FREM1: variants seen among roughly 807,000 people sequenced by gnomAD.
FREM1 encodes the protein FRAS1 related extracellular matrix 1.
FREM1 carries 220 observed loss-of-function variants against 210.1 expected under a neutral mutation model. The observed-to-expected ratio is 1.05, with a 90% CI of 0.94 to 1.17. The LOEUF (loss-of-function observed/expected upper bound fraction) is 1.17, where lower values mean the gene tolerates loss of function less well. Ranked by LOEUF, FREM1 falls within the 50% of genes most tolerant of loss-of-function variation. The probability of loss-of-function intolerance (pLI) is 0.00; values close to 1 mark genes in which losing one functional copy is unlikely to be tolerated. For missense variants in FREM1, 3,454 were observed against 2,675.5 expected (o/e 1.29, Z -6.42); for synonymous variants, 1,189 against 980.2 (o/e 1.21, Z -3.98).
intron 10 of FREM1, among the ~76,000 whole-genome samples, chr9:14,830,718 CCTT>C (rs1218114459): frequency 5.9e-5 from 9 of 152,144 alleles, no homozygotes; most frequent in Non-Finnish European, 8.8e-5. Flanking sequence ...ATGCTCCACT[CCTT>C]AAAACCACTC....
chr9:14,837,354 C>T lies in FREM1; in HGVS notation c.1881+4093G>A, dbSNP rs552613060. ...CAGCTTTAGAGCCCCATTCCCACCT[C>T]TGTCTCTGTACAGGGGAGCCTCTTC... On this transcript the variant is annotated intron_variant, in intron 10 of 36. Transcript: ENST00000380880. Among the ~76,000 whole-genome samples, 68 of 152,266 alleles carry T rather than the reference C, an allele frequency of 4.5e-4. No individual in the cohort carries two copies. The South Asian group carries it at 5.0e-3, about 11-fold the overall frequency.
In FREM1 at chr9:14,765,333, T is replaced by C. The variant is rs537774642; in HGVS notation, c.5204+4391A>G. ...TGCACCCAAAACAAGTGCTTTAGAA[T>C]CAAGCACACCTTGTAACCACTGATT... On this transcript the variant is annotated intron_variant, in intron 27 of 36. Transcript: ENST00000380880. Among the ~76,000 whole-genome samples the C allele has an allele frequency of 2.0e-5, 3 of 152,316 alleles. No individual in the cohort carries two copies. In the East Asian group the frequency reaches 5.8e-4, roughly 29 times the overall value.
intron 22 of FREM1, among the ~76,000 whole-genome samples, chr9:14,790,114 G>C (rs1390252465): frequency 6.6e-6 from 1 of 152,010 alleles, no homozygotes. Flanking sequence ...CTAAACAATG[G>C]GGGCTCTGGT....
At chr9:14,859,605 G>C in intron 3 of FREM1, 121 bp from the exon 4 acceptor site, 2 of 793,178 alleles carry the variant, frequency 2.5e-6, no homozygotes, top group South Asian at 1.9e-5. Flanking sequence ...ATTGAGTTTG[G>C]ATTTCATTTC....
At chr9:14,825,559 A>G (rs1384651378) in intron 10 of FREM1, among the ~76,000 whole-genome samples, 2 of 139,248 alleles carry the variant, frequency 1.4e-5, no homozygotes, top group Non-Finnish European at 3.1e-5. Context: ...ATATATATAT[A>G]TATATATATA....
chr9:14,899,002 C>A (rs1838284390), intron 1 of FREM1, among the ~76,000 whole-genome samples: 1 of 152,214 alleles, frequency 6.6e-6, no homozygotes, highest in South Asian at 2.1e-4. Flanking sequence ...GTTGAGCCAT[C>A]TTTTGACATG....
chr9:14,819,545 C>G, intron 13 of FREM1, 103 bp from the exon 14 acceptor site: 1 of 637,790 alleles, frequency 1.6e-6, no homozygotes, highest in Non-Finnish European at 2.6e-6. Context: ...TCTTCACATG[C>G]AAACTAATTT....
chr9:14,876,398 C>T (rs1176285055), intron 1 of FREM1, among the ~76,000 whole-genome samples: 7 of 152,242 alleles, frequency 4.6e-5, no homozygotes, highest in South Asian at 4.1e-4. Flanking sequence ...GCCCCTCCCC[C>T]AGCCTCGCTG....
intron 16 of FREM1, among the ~76,000 whole-genome samples, chr9:14,808,498 A>C (rs1447050331): frequency 6.6e-6 from 1 of 152,138 alleles, no homozygotes; most frequent in East Asian, 1.9e-4. Flanking sequence ...CCTCAGGGAG[A>C]GGGAGAAGGC....
chr9:14,763,320 C>T (rs1845840986), intron 27 of FREM1, among the ~76,000 whole-genome samples: 1 of 152,142 alleles, frequency 6.6e-6, no homozygotes. Flanking sequence ...TGTTTCGGGA[C>T]CTTGACAAAT....
intron 1 of FREM1, among the ~76,000 whole-genome samples, chr9:14,901,060 T>C (rs1838701258): frequency 6.6e-6 from 1 of 152,256 alleles, no homozygotes. Flanking sequence ...TTGCTGCGAC[T>C]CTTTAAAGAC....
In FREM1 at chr9:14,801,713, T is replaced by C. The variant is rs1461082423; in HGVS notation, c.3633A>G (p.Pro1211=). The stretch of plus-strand genomic sequence containing the variant: ...GTGCATGTTTCTGGTGAGGGTTGGC[T>C]GGCTGCTTATTCTCAGAGAAGTCTT... ...FSKDFSENKQ[P]ANPHQKHAPV... is the part of the protein sequence containing the mutation. The change falls in exon 20 of 37, where the codon CCA becomes CCG. Residue 1211 remains proline (P), a synonymous_variant. Transcript: ENST00000380880. 7 of 1,614,016 alleles carry C rather than the reference T, an allele frequency of 4.3e-6. No homozygotes were observed. The highest frequency in any genetic ancestry group is 2.2e-5 in the East Asian group (1 of 44,884).
intron 8 of FREM1, among the ~76,000 whole-genome samples, chr9:14,845,242 A>AACT (rs1246882217): frequency 6.6e-6 from 1 of 152,238 alleles, no homozygotes; most frequent in Admixed American, 6.5e-5. Flanking sequence ...AAACCATGAC[A>AACT]ACTACTACTA....
intron 1 of FREM1, among the ~76,000 whole-genome samples, chr9:14,875,796 C>A (rs1402652435): frequency 6.6e-6 from 1 of 152,152 alleles, no homozygotes; most frequent in Non-Finnish European, 1.5e-5. Context: ...TTTTCCCCAT[C>A]TTTGTGGTTT....
chr9:14,766,332 T>C (rs570906121), intron 27 of FREM1, among the ~76,000 whole-genome samples: 115 of 152,230 alleles, frequency 7.6e-4, no homozygotes, highest in Non-Finnish European at 1.4e-3. Context: ...CCCAGATGCA[T>C]TCCATGAAAA....
At position 14,902,511 on chromosome 9, in the gene FREM1, G is replaced by C. The variant is rs79808562; in HGVS notation, c.-268+7403C>G. Among the ~76,000 whole-genome samples the C allele has an allele frequency of 1.4e-3, 212 of 152,212 alleles. 1 individual carries two copies. The East Asian group carries it at 0.034, about 25-fold the overall frequency. ...CACAGATCAGGAAATGTCTCTACTG[G>C]GGGTAAATGAAGACCAATATTTTCC... On this transcript the variant is annotated intron_variant, in intron 1 of 36. Coordinates refer to ENST00000380880, the MANE Select transcript of FREM1 (RefSeq NM_001379081.2).
At chr9:14,867,067 C>T (rs1831660597) in intron 2 of FREM1, among the ~76,000 whole-genome samples, 1 of 152,094 alleles carries the variant, frequency 6.6e-6, no homozygotes, top group Non-Finnish European at 1.5e-5. Context: ...ACCATGTTGA[C>T]CAGGCTGGTC....
rs74760159 is a variant in FREM1 at position 14,805,970 on chromosome 9, C to A, written c.3274+691G>T. On this transcript the variant is annotated intron_variant, in intron 18 of 36. Transcript: ENST00000380880. ...ATAGTATATTTCCTCACCCTTTCCA[C>A]CAATATCTATTCAAAATGCTAAAAG... Among the ~76,000 whole-genome samples the A allele has an allele frequency of 6.2e-3, 950 of 152,296 alleles. 11 individuals carry two copies. The highest frequency in any genetic ancestry group is 0.021 in the African/African-American group (862 of 41,556).
chr9:14,774,162 C>T (rs750131758), intron 25 of FREM1: 2 of 518,642 alleles, frequency 3.9e-6, no homozygotes, highest in Non-Finnish European at 7.7e-6. Context: ...ATCCAGCATC[C>T]ACTCTATGAT....
Sources: gnomAD v4.1 joint callset for allele counts (sites outside exome capture counted in the v4.1 genomes callset) on GRCh38, gnomAD v4.1.1 for gene constraint, MANE v1.5 for transcripts, NCBI Gene and HGNC (gene_info 2026-07-23, HGNC 2026-07-21) for gene names.